GRID1: variants seen among roughly 807,000 people sequenced by gnomAD.
GRID1 encodes glutamate ionotropic receptor delta type subunit 1.
A neutral mutation model predicts 98.0 loss-of-function variants in GRID1; 28 were observed. The ratio of observed to expected loss-of-function variants is 0.29; its 90% CI spans 0.21 to 0.39. The LOEUF is 0.39. GRID1 is among the 10% of genes least tolerant of loss of function. The probability of loss-of-function intolerance (pLI) is 1.00; values close to 1 mark genes in which losing one functional copy is unlikely to be tolerated. For synonymous variants in GRID1, 553 were observed against 538.5 expected, an observed-to-expected ratio of 1.03 and a Z score of -0.37; for missense variants, 1,111 against 1,340.5, an observed-to-expected ratio of 0.83 and a Z score of 2.67.
At chr10:86,187,606 C>G (rs1564701264) in intron 3 of GRID1, among the ~76,000 whole-genome samples, 2 of 152,194 alleles carry the variant, frequency 1.3e-5, no homozygotes, top group African/African-American at 4.8e-5. Flanking sequence ...CCAGGAAGAA[C>G]AGGTAATGTT....
chr10:85,805,920 C>T (rs1331228975), intron 8 of GRID1, among the ~76,000 whole-genome samples: 1 of 146,554 alleles, frequency 6.8e-6, no homozygotes, highest in African/African-American at 2.5e-5. Flanking sequence ...TTGGGATGGA[C>T]AAAGTTTTTT....
chr10:85,609,387 T>A (rs1367610089), intron 15 of GRID1, among the ~76,000 whole-genome samples: 2 of 152,222 alleles, frequency 1.3e-5, no homozygotes, highest in Admixed American at 1.3e-4. Context: ...GCCAGGCACA[T>A]CTTTAATTCA....
chr10:85,675,046 G>A (rs760588441), intron 12 of GRID1, among the ~76,000 whole-genome samples: 6 of 152,140 alleles, frequency 3.9e-5, no homozygotes, highest in Admixed American at 6.5e-5. Flanking sequence ...ATAAGAGACC[G>A]TCCATCAGGT....
chr10:86,078,556 A>C (rs1158892286), intron 4 of GRID1, among the ~76,000 whole-genome samples: 2 of 152,188 alleles, frequency 1.3e-5, no homozygotes, highest in South Asian at 2.1e-4. Flanking sequence ...TTCTCAAAAG[A>C]CTTCATGTTC....
chr10:85,981,356 C>T lies in GRID1; in HGVS notation c.727-65117G>A, dbSNP rs548733821. Among the ~76,000 whole-genome samples, 17 of 152,350 alleles carry T rather than the reference C, an allele frequency of 1.1e-4. No homozygotes were observed. The South Asian group carries it at 3.3e-3, about 30-fold the overall frequency. ...AGGCAAAGGACACGAACTGCAGTCA[C>T]TCCAGGGAAAAGCCTTCGCAGATCA... On this transcript the variant is annotated intron_variant, in intron 4 of 15. Transcript: ENST00000327946.
At chr10:86,009,414 T>C (rs992427080) in intron 4 of GRID1, among the ~76,000 whole-genome samples, 11 of 152,098 alleles carry the variant, frequency 7.2e-5, no homozygotes, top group Admixed American at 7.2e-4. Context: ...TAGGAGAGGA[T>C]TCTACAGCCC....
chr10:86,279,947 T>G (rs924198490), intron 2 of GRID1, among the ~76,000 whole-genome samples: 1 of 152,222 alleles, frequency 6.6e-6, no homozygotes, highest in African/African-American at 2.4e-5. Flanking sequence ...CTCATGCCTC[T>G]AATCTCAGTG....
chr10:85,602,437 T>TCAGCGG lies in GRID1; in HGVS notation c.2860_2865dup (p.Pro954_Leu955dup), dbSNP rs1327681582. 14 of 1,614,042 alleles carry TCAGCGG rather than the reference T, an allele frequency of 8.7e-6. No homozygotes were observed. Among genetic ancestry groups the TCAGCGG allele is most frequent in the Admixed American group, 1.7e-5 (1 of 60,006 alleles). ...ATGGAGGGCATGGTCGCCGAGCTGC[T>TCAGCGG]CAGCGGCAGCGGCAGGTTGCTGCTG... On this transcript the variant is annotated inframe_insertion, in exon 16 of 16. Coordinates refer to ENST00000327946, the MANE Select transcript of GRID1 (RefSeq NM_017551.3).
intron 2 of GRID1, among the ~76,000 whole-genome samples, chr10:86,266,451 G>A (rs1481447560): frequency 6.6e-6 from 1 of 152,164 alleles, no homozygotes; most frequent in Non-Finnish European, 1.5e-5. Context: ...CTACACAGCT[G>A]AGGAGCCCCC....
chr10:85,767,729 T>G (rs1381580029), intron 8 of GRID1, among the ~76,000 whole-genome samples: 1 of 152,236 alleles, frequency 6.6e-6, no homozygotes, highest in Admixed American at 6.5e-5. Flanking sequence ...TCTGACTTCA[T>G]GCACACACTT....
intron 8 of GRID1, among the ~76,000 whole-genome samples, chr10:85,832,081 A>G (rs915218782): frequency 2.6e-5 from 4 of 152,166 alleles, no homozygotes; most frequent in Non-Finnish European, 4.4e-5. Context: ...ATATTTGACA[A>G]TTTAGATGAA....
intron 4 of GRID1, among the ~76,000 whole-genome samples, chr10:86,126,975 C>T (rs369309602): frequency 6.6e-6 from 1 of 152,254 alleles, no homozygotes; most frequent in Non-Finnish European, 1.5e-5. Context: ...CAAAGGGTGG[C>T]TTTAGCCATT....
chr10:86,326,289 G>T (rs1848049702), intron 2 of GRID1, among the ~76,000 whole-genome samples: 1 of 152,212 alleles, frequency 6.6e-6, no homozygotes, highest in African/African-American at 2.4e-5. Context: ...TTCATATTAT[G>T]AAGATGGGAG....
At chr10:86,245,821 C>A (rs1213564417) in intron 2 of GRID1, among the ~76,000 whole-genome samples, 2 of 152,272 alleles carry the variant, frequency 1.3e-5, no homozygotes, top group Non-Finnish European at 2.9e-5. Context: ...TGGGCACTCA[C>A]AAAGCCACAG....
At chr10:86,257,665 A>G (rs1203796606) in intron 2 of GRID1, among the ~76,000 whole-genome samples, 1 of 152,180 alleles carries the variant, frequency 6.6e-6, no homozygotes, top group Non-Finnish European at 1.5e-5. Context: ...TGGGCTCTAC[A>G]TTCAGTAGGG....
chr10:85,654,432 T>A (rs951971318), intron 12 of GRID1, among the ~76,000 whole-genome samples: 1 of 152,218 alleles, frequency 6.6e-6, no homozygotes, highest in African/African-American at 2.4e-5. Context: ...TTGTAAAATT[T>A]GCATTTTTAT....
intron 4 of GRID1, among the ~76,000 whole-genome samples, chr10:86,011,709 C>A (rs576896804): frequency 4.6e-5 from 7 of 152,224 alleles, no homozygotes; most frequent in African/African-American, 1.7e-4. Flanking sequence ...AATTCAATGT[C>A]CTAGTACAAG....
At chr10:86,048,171 G>A (rs950284700) in intron 4 of GRID1, among the ~76,000 whole-genome samples, 5 of 152,176 alleles carry the variant, frequency 3.3e-5, no homozygotes, top group Non-Finnish European at 5.9e-5. Flanking sequence ...GAGATCACCA[G>A]GAAGGGGCTC....
Position 85,647,369 on chromosome 10 carries a change from C to A in GRID1, c.2026G>T (p.Glu676Ter). 6.2e-7 allele frequency: 1 copy of A among 1,614,238 alleles called. No individual in the cohort carries two copies. Among genetic ancestry groups the A allele is most frequent in the Non-Finnish European group, 8.5e-7 (1 of 1,180,018 alleles). ...TCCCGGACAGTGCCATAAGACATTT[C>A]CACTTGTTTGGACAGGTCCTGGAAA... is the stretch of plus-strand genomic sequence containing the variant. ...RTFQDLSKQV[E>*]MSYGTVRDSA... The change falls in exon 13 of 16, where the codon GAA becomes TAA. Residue 676 changes from glutamate (E) to a stop codon, truncating the protein, a stop_gained. Coordinates refer to ENST00000327946, the MANE Select transcript of GRID1 (RefSeq NM_017551.3). LOFTEE classifies it high-confidence loss of function.
Sources: allele counts gnomAD v4.1 joint callset (sites outside exome capture counted in the v4.1 genomes callset), GRCh38; gene constraint gnomAD v4.1.1; transcripts MANE v1.5; gene names NCBI Gene and HGNC (gene_info 2026-07-23, HGNC 2026-07-21).